The following VWCE variants were observed in gnomAD, a reference collection of about 807,000 sequenced individuals.
VWCE encodes the protein von Willebrand factor C and EGF domain-containing protein.
A neutral mutation model predicts 102.9 loss-of-function variants in VWCE; 68 were observed. That is an observed-to-expected ratio of 0.66 (90% CI 0.54 to 0.81). VWCE has a LOEUF of 0.81. VWCE is among the 30% of genes least tolerant of loss of function. The pLI is 0.00. For missense variants in VWCE, 1,137 were observed against 1,263.6 expected (o/e 0.90, Z 1.52); for synonymous variants, 497 against 515.4 (o/e 0.96, Z 0.48).
Position 61,281,879 on chromosome 11 carries a change from C to G in VWCE, c.694G>C (p.Val232Leu). The change falls in exon 7 of 20, where the codon GTC becomes CTC. Residue 232 changes from valine (V) to leucine (L), a missense_variant. This residue lies in a region of VWCE where 575 missense variants were observed against 625.9 expected (regional missense o/e 0.92). Transcript: ENST00000335613. The stretch of plus-strand genomic sequence containing the variant: ...GTGTTGTGGCAGGAATGGTGACAGA[C>G]TCGCCTCTCCAATGGCCTCCGACAC... ...NECRRPLERR[V>L]CHHSCHNTVG... 1 of 1,613,890 alleles carries G rather than the reference C, an allele frequency of 6.2e-7. No individual in the cohort carries two copies. Among genetic ancestry groups the G allele is most frequent in the South Asian group, 1.1e-5 (1 of 90,970 alleles).
chr11:61,284,342 C>T lies in VWCE; in HGVS notation c.542-1437G>A, dbSNP rs1007644057. ...CAACTTCACTGGGTAATTGTGAGGG[C>T]GAAAGGAGAAAATGCGTGTAAAGTG... On this transcript the variant is annotated intron_variant, in intron 5 of 19. Transcript: ENST00000335613. 3.9e-5 allele frequency among the ~76,000 whole-genome samples: 6 copies of T among 152,120 alleles called. No homozygotes were observed. In the South Asian group the frequency reaches 6.2e-4, roughly 16 times the overall value.
chr11:61,268,338 G>A (rs1020855022), intron 15 of VWCE, among the ~76,000 whole-genome samples: 1 of 152,168 alleles, frequency 6.6e-6, no homozygotes, highest in Non-Finnish European at 1.5e-5. Flanking sequence ...CAGATCACCT[G>A]AGGTTAGGAG....
chr11:61,283,718 A>G (rs1855219284), intron 5 of VWCE, among the ~76,000 whole-genome samples: 1 of 152,190 alleles, frequency 6.6e-6, no homozygotes, highest in South Asian at 2.1e-4. Context: ...AATTCTTGCC[A>G]TCTTCCAAAT....
chr11:61,280,666 G>A lies in VWCE; in HGVS notation c.1282C>T (p.Pro428Ser). The A allele has an allele frequency of 3.1e-6, 5 of 1,614,048 alleles. No homozygotes were observed. The highest frequency in any genetic ancestry group is 4.2e-6 in the Non-Finnish European group (5 of 1,180,008). Residue 428 changes from proline to serine, a missense_variant, in exon 9 of 20, where the codon CCA (proline) becomes TCA (serine). By Grantham distance (74) the Pro-to-Ser change is moderately conservative (BLOSUM62 -1). Coordinates refer to ENST00000335613, the MANE Select transcript of VWCE (RefSeq NM_152718.2). ...KVRCEAACSHPIPSRDGGCCP... is the reference protein window; with the variant it reads ...KVRCEAACSHSIPSRDGGCCP... ...CACCCACCATCTCTGGAGGGAATTG[G>A]GTGGGAACAAGCAGCTTCACACCTC... is the stretch of plus-strand genomic sequence containing the variant.
At chr11:61,276,548 C>CT in intron 11 of VWCE, 45 bp downstream of exon 11, 2 of 1,138,784 alleles carry the variant, frequency 1.8e-6, no homozygotes, top group South Asian at 4.0e-5. Context: ...TACAAAAAAT[C>CT]TAAAAAAAAA....
intron 4 of VWCE, among the ~76,000 whole-genome samples, chr11:61,288,902 G>A (rs1855414736): frequency 2.0e-5 from 3 of 150,134 alleles, no homozygotes; most frequent in East Asian, 2.0e-4. Context: ...GCAGTGGCGC[G>A]AACTTGGCTC....
rs764490792 is a variant in VWCE at position 61,281,116 on chromosome 11, G to A, written c.907C>T (p.Pro303Ser). 5.6e-6 allele frequency: 9 copies of A among 1,612,206 alleles called. No individual in the cohort carries two copies. In the South Asian group the frequency reaches 7.7e-5, roughly 14 times the overall value. ...GCTGGGGGCCCTGGAGCCCCAGAAG[G>A]AGGGCTATGTCCTGGGGACAGGGCA... ...RPALSPGHSP[P>S]SGAPGPPAGV... Residue 303 changes from proline (P) to serine (S), a missense_variant, in exon 8 of 20, where the codon CCT becomes TCT. Pro to Ser is a moderately conservative substitution (Grantham distance 74). This residue lies in a region of VWCE where 575 missense variants were observed against 625.9 expected (regional missense o/e 0.92). Transcript: ENST00000335613.
rs1855328731 is a variant in VWCE at position 61,286,434 on chromosome 11, G to C, written c.425-4C>G. On this transcript the variant is annotated splice_polypyrimidine_tract_variant and splice_region_variant and intron_variant, in intron 4 of 19. Transcript: ENST00000335613. ...GAGGTTACACATTCGTCAATGTCTG[G>C]AAAGACAGAAAGCACGTGTTTACAC... is the stretch of plus-strand genomic sequence containing the variant. 3 of 1,608,964 alleles carry C rather than the reference G, an allele frequency of 1.9e-6. No individual in the cohort carries two copies. In the African/African-American group the frequency reaches 4.0e-5, roughly 21 times the overall value.
In VWCE at chr11:61,268,948, C is replaced by T. The variant is rs765349306; in HGVS notation, c.1856G>A (p.Gly619Glu). The change falls in exon 15 of 20, where the codon GGA becomes GAA. Residue 619 changes from glycine to glutamate, a missense_variant. Transcript: ENST00000335613. Reference sequence around the variant, plus strand: ...TGCTGAACAGTCTGGGCAGCACTGTCCAGGGATCCGGATCGGGTGAGGGCA... The same window carrying T: ...TGCTGAACAGTCTGGGCAGCACTGTTCAGGGATCCGGATCGGGTGAGGGCA... ...DSCPHPIRIP[G>E]QCCPDCSAGC... 7 of 1,614,036 alleles carry T rather than the reference C, an allele frequency of 4.3e-6. No homozygotes were observed. In the African/African-American group the frequency reaches 9.3e-5, roughly 22 times the overall value.
intron 5 of VWCE, among the ~76,000 whole-genome samples, chr11:61,285,172 A>G (rs1178134904): frequency 2.0e-5 from 3 of 152,122 alleles, no homozygotes; most frequent in Admixed American, 6.6e-5. Context: ...AAGCAGACTA[A>G]GACGCGCAGG....
chr11:61,267,468 G>A lies in VWCE; in HGVS notation c.1959C>T (p.Ile653=), dbSNP rs1196926589. Residue 653 remains isoleucine (I), a synonymous_variant, in exon 16 of 20, where the codon ATC becomes ATT. Coordinates refer to ENST00000335613, the MANE Select transcript of VWCE (RefSeq NM_152718.2). Reference sequence around the variant, plus strand: ...AGATCTGGGTGGTCCATACCAGGCAGATGCAGCTCAGACATGGGTCCAGCA... The same window carrying A: ...AGATCTGGGTGGTCCATACCAGGCAAATGCAGCTCAGACATGGGTCCAGCA... ...PSVLDPCLSC[I]CLLGSVACSP... The A allele has an allele frequency of 6.2e-7, 1 of 1,614,040 alleles. No homozygotes were observed. Among genetic ancestry groups the A allele is most frequent in the African/African-American group, 1.3e-5 (1 of 74,924 alleles).
At chr11:61,293,019 A>G (rs1855557410) in intron 1 of VWCE, among the ~76,000 whole-genome samples, 1 of 152,054 alleles carries the variant, frequency 6.6e-6, no homozygotes, top group Admixed American at 6.6e-5. Context: ...AGGCGGGCGG[A>G]TCACCCGAGG....
At chr11:61,278,624 A>G (rs1855008890) in intron 9 of VWCE, 148 bp from the exon 10 acceptor site, 9 of 717,298 alleles carry the variant, frequency 1.3e-5, no homozygotes, top group Non-Finnish European at 1.9e-5. Flanking sequence ...GGGTACTCTG[A>G]CTGTGTGGTC....
At chr11:61,278,500 G>A (rs376039141) in intron 9 of VWCE, 24 bp from the exon 10 acceptor site, 28 of 1,611,256 alleles carry the variant, frequency 1.7e-5, no homozygotes, top group Non-Finnish European at 2.3e-5. Context: ...ATAGGAGGTA[G>A]AGGCATCAGA....
rs369402659 is a variant in VWCE at position 61,273,316 on chromosome 11, T to C, written c.1582A>G (p.Asn528Asp). The change falls in exon 13 of 20, where the codon AAT becomes GAT. Residue 528 changes from asparagine (N) to aspartate (D), a missense_variant and splice_region_variant. Transcript: ENST00000335613. ...GDECTTCVCQNGEVECSFMPC... is the reference protein window; with the variant it reads ...GDECTTCVCQDGEVECSFMPC... ...ATGAAGGAGCACTCCACCTCCCCAT[T>C]CTGGAAGAGAGCCCAGGCACAGAAT... 3.7e-6 allele frequency: 6 copies of C among 1,606,994 alleles called. No homozygotes were observed. Among genetic ancestry groups the C allele is most frequent in the East Asian group, 2.2e-5 (1 of 44,674 alleles).
intron 14 of VWCE, 164 bp from the exon 15 acceptor site, chr11:61,269,182 C>T: frequency 1.6e-6 from 1 of 625,350 alleles, no homozygotes; most frequent in Non-Finnish European, 2.8e-6. Context: ...GGATCGGCTA[C>T]TTGAGAAAGG....
chr11:61,263,468 C>T (rs949437787), intron 19 of VWCE, among the ~76,000 whole-genome samples: 1 of 152,066 alleles, frequency 6.6e-6, no homozygotes, highest in African/African-American at 2.4e-5. Context: ...AGAATAGAAT[C>T]GTGGTTACGA....
intron 13 of VWCE, among the ~76,000 whole-genome samples, chr11:61,272,331 A>G (rs1017296119): frequency 6.6e-6 from 1 of 152,042 alleles, no homozygotes; most frequent in African/African-American, 2.4e-5. Context: ...ACTCAGAGAG[A>G]CACAAACTTA....
At chr11:61,284,121 T>C (rs1855232713) in intron 5 of VWCE, among the ~76,000 whole-genome samples, 1 of 151,472 alleles carries the variant, frequency 6.6e-6, no homozygotes, top group Non-Finnish European at 1.5e-5. Context: ...CCCAGCCCTT[T>C]GGGGGCCAAA....
Sources: gnomAD v4.1 joint callset for allele counts (sites outside exome capture counted in the v4.1 genomes callset) on GRCh38, gnomAD v4.1.1 for gene constraint, gnomAD v4.1.1 regional missense constraint, MANE v1.5 for transcripts, NCBI Gene and HGNC (gene_info 2026-07-23, HGNC 2026-07-21) for gene names.